The following C14orf39 variants were observed in gnomAD, a reference collection of about 807,000 sequenced individuals.
The protein encoded by C14orf39 is chromosome 14 open reading frame 39.
C14orf39 carries 66 observed loss-of-function variants against 85.6 expected under a neutral mutation model. The observed-to-expected ratio is 0.77, with a 90% CI of 0.63 to 0.95. C14orf39 has a LOEUF of 0.95. Among genes scored for constraint, C14orf39 ranks in the 40% least tolerant of loss-of-function variants. The pLI, the probability that C14orf39 is intolerant of heterozygous loss-of-function variation, is 0.00. For synonymous variants in C14orf39, 242 were observed against 214.0 expected (o/e 1.13, Z -1.14); for missense variants, 735 against 663.9 (o/e 1.11, Z -1.18).
chr14:60,501,162 C>A (rs757417058), intron 1 of C14orf39, among the ~76,000 whole-genome samples: 9 of 151,830 alleles, frequency 5.9e-5, no homozygotes, highest in Non-Finnish European at 1.3e-4. Flanking sequence ...TATTAATTAG[C>A]CAGATGTGAT....
chr14:60,455,942 T>A (rs1891255242), intron 15 of C14orf39, among the ~76,000 whole-genome samples: 2 of 152,132 alleles, frequency 1.3e-5, no homozygotes, highest in South Asian at 4.1e-4. Flanking sequence ...ACTTTACAGA[T>A]GATAGTTTTC....
chr14:60,483,818 C>T lies in C14orf39; in HGVS notation c.107-1G>A. The T allele has an allele frequency of 6.7e-7, 1 of 1,481,722 alleles. No homozygotes were observed. The highest frequency in any genetic ancestry group is 9.3e-7 in the Non-Finnish European group (1 of 1,080,726). 91.8% of individuals were successfully genotyped at this position (1,481,722 alleles called of 1,614,324 possible). Reference sequence around the variant, plus strand: ...TTTTCCTTAATATCTTCACAGCATTCTACAAAGAGAAAATGTTTATTTTCT... The same window carrying T: ...TTTTCCTTAATATCTTCACAGCATTTTACAAAGAGAAAATGTTTATTTTCT... On this transcript the variant is annotated splice_acceptor_variant, in intron 3 of 17. Transcript: ENST00000321731. LOFTEE classifies it high-confidence loss of function.
At chr14:60,476,448 G>A (rs1271866200) in intron 5 of C14orf39, among the ~76,000 whole-genome samples, 2 of 152,182 alleles carry the variant, frequency 1.3e-5, no homozygotes, top group African/African-American at 4.8e-5. Context: ...AGTAATTGGT[G>A]CCTCTACTTC....
At chr14:60,511,411 C>A in intron 1 of C14orf39, 1 of 888,696 alleles carries the variant, frequency 1.1e-6, no homozygotes, top group South Asian at 1.4e-5. Flanking sequence ...CCCCACCCCG[C>A]GGCCGGCCTG....
At chr14:60,476,971 C>T (rs939228223) in intron 5 of C14orf39, among the ~76,000 whole-genome samples, 1 of 152,138 alleles carries the variant, frequency 6.6e-6, no homozygotes, top group Non-Finnish European at 1.5e-5. Context: ...AACAAATGTG[C>T]GGGATACATA....
chr14:60,493,315 T>C (rs1035186641), intron 2 of C14orf39, among the ~76,000 whole-genome samples: 2 of 152,198 alleles, frequency 1.3e-5, no homozygotes, highest in East Asian at 3.9e-4. Context: ...AAATGAAAGA[T>C]AGGTACATGG....
chr14:60,507,660 C>T (rs1251730438), intron 1 of C14orf39, among the ~76,000 whole-genome samples: 3 of 152,302 alleles, frequency 2.0e-5, no homozygotes, highest in East Asian at 3.9e-4. Context: ...TTGCCCTGCA[C>T]TCAGGCGTGG....
At chr14:60,505,798 G>C (rs1893195420) in intron 1 of C14orf39, among the ~76,000 whole-genome samples, 1 of 152,212 alleles carries the variant, frequency 6.6e-6, no homozygotes, top group Admixed American at 6.5e-5. Flanking sequence ...CCAGAGGTAG[G>C]AAAGTATTGA....
chr14:60,506,136 G>A (rs888527387), intron 1 of C14orf39, among the ~76,000 whole-genome samples: 8 of 152,164 alleles, frequency 5.3e-5, no homozygotes, highest in African/African-American at 1.7e-4. Flanking sequence ...GGCAAGACCC[G>A]AGCCTTTGTC....
intron 4 of C14orf39, among the ~76,000 whole-genome samples, chr14:60,481,411 CT>C (rs1308828621): frequency 6.6e-6 from 1 of 152,062 alleles, no homozygotes; most frequent in African/African-American, 2.4e-5. Context: ...AATCCCAGCA[CT>C]TTGGGAGGCC....
intron 1 of C14orf39, among the ~76,000 whole-genome samples, chr14:60,500,615 G>A (rs1429568871): frequency 6.6e-6 from 1 of 152,016 alleles, no homozygotes. Flanking sequence ...ACATATTTAT[G>A]GTCAAGAAAA....
At chr14:60,504,782 G>A (rs1231400739) in intron 1 of C14orf39, among the ~76,000 whole-genome samples, 1 of 152,198 alleles carries the variant, frequency 6.6e-6, no homozygotes, top group Non-Finnish European at 1.5e-5. Flanking sequence ...ATTACAAAGT[G>A]TATAATTTGT....
intron 1 of C14orf39, among the ~76,000 whole-genome samples, chr14:60,508,540 C>G (rs1405545158): frequency 2.0e-5 from 3 of 152,152 alleles, no homozygotes; most frequent in African/African-American, 7.2e-5. Context: ...GGGAGTAAGG[C>G]TAGAGTTCAA....
intron 1 of C14orf39, among the ~76,000 whole-genome samples, chr14:60,485,630 C>A (rs986709446): frequency 5.3e-5 from 8 of 152,210 alleles, no homozygotes; most frequent in Admixed American, 5.2e-4. Context: ...ACGCCTGAGG[C>A]GGGGTTCCTG....
intron 1 of C14orf39, among the ~76,000 whole-genome samples, chr14:60,505,477 T>G (rs1015924250): frequency 6.6e-6 from 1 of 152,218 alleles, no homozygotes; most frequent in Non-Finnish European, 1.5e-5. Flanking sequence ...TATTTTATAC[T>G]TTTTTAGAAG....
rs1239570678 is a variant in C14orf39, at chr14:60,457,017, G to A, written c.1258C>T (p.Arg420Ter). The A allele has an allele frequency of 1.1e-5, 17 of 1,610,658 alleles. No homozygotes were observed. Among genetic ancestry groups the A allele is most frequent in the East Asian group, 2.2e-5 (1 of 44,654 alleles). Residue 420 changes from arginine (R) to a stop codon, truncating the protein, a stop_gained, in exon 15 of 18, where the codon CGA (arginine) becomes TGA (stop). Coordinates refer to ENST00000321731, the MANE Select transcript of C14orf39 (RefSeq NM_174978.3). LOFTEE classifies it high-confidence loss of function. Reference protein sequence around the residue: ...EVEERAENFPRTSEIPIFLGT... With the variant: ...EVEERAENFP ...AAAAATATAGGAATTTCAGACGTTCGTGGAAAATTCTCAGCTCTCTCTTCT... is the reference window on the plus strand; with the variant it reads ...AAAAATATAGGAATTTCAGACGTTCATGGAAAATTCTCAGCTCTCTCTTCT...
intron 4 of C14orf39, among the ~76,000 whole-genome samples, chr14:60,479,048 T>A (rs933288602): frequency 6.6e-6 from 1 of 152,106 alleles, no homozygotes; most frequent in Admixed American, 6.5e-5. Flanking sequence ...TTCTAACTTT[T>A]TTTTCAGATT....
chr14:60,467,269 T>C (rs1823576234), intron 9 of C14orf39, among the ~76,000 whole-genome samples: 1 of 151,788 alleles, frequency 6.6e-6, no homozygotes, highest in Non-Finnish European at 1.5e-5. Context: ...CTCTTCTCAA[T>C]ATAGTCCACT....
In C14orf39 at chr14:60,471,978, CCACT is replaced by C. The variant is rs1892109761; in HGVS notation, c.324-243_324-240del. On this transcript the variant is annotated intron_variant, in intron 5 of 17. Coordinates refer to ENST00000321731, the MANE Select transcript of C14orf39 (RefSeq NM_174978.3). ...ATTCTATTCATTTTAACTCCTACTC[CCACT>C]ATTTTAATGACGCTATTCTTCCCAA... Among the ~76,000 whole-genome samples, 3 of 152,038 alleles carry C rather than the reference CCACT, an allele frequency of 2.0e-5. No homozygotes were observed. In the South Asian group the frequency reaches 6.2e-4, roughly 32 times the overall value.
Sources: allele counts gnomAD v4.1 joint callset (sites outside exome capture counted in the v4.1 genomes callset), GRCh38; gene constraint gnomAD v4.1.1; transcripts MANE v1.5; gene names NCBI Gene and HGNC (gene_info 2026-07-23, HGNC 2026-07-21).